Variants in ZCWPW2 observed in about 807,000 individuals in gnomAD.
The protein encoded by ZCWPW2 is zinc finger CW-type and PWWP domain containing 2, also known as zinc finger CW-type PWWP domain protein 2.
ZCWPW2 carries 45 observed loss-of-function variants against 46.6 expected under a neutral mutation model. The observed-to-expected ratio is 0.96, with a 90% CI of 0.76 to 1.24. The LOEUF is 1.24. Ranked by LOEUF, ZCWPW2 falls within the 50% of genes most tolerant of loss-of-function variation. The pLI is 0.00. For missense variants in ZCWPW2, 429 were observed against 403.9 expected (o/e 1.06, Z -0.53); for synonymous variants, 152 against 137.1 (o/e 1.11, Z -0.76).
intron 5 of ZCWPW2, among the ~76,000 whole-genome samples, chr3:28,484,955 G>A (rs1251846112): frequency 2.0e-5 from 3 of 151,916 alleles, no homozygotes; most frequent in Non-Finnish European, 4.4e-5. Context: ...GATTTAGCCT[G>A]TTCTTTTTCT....
At chr3:28,413,651 G>C (rs1696501605) in intron 3 of ZCWPW2, among the ~76,000 whole-genome samples, 2 of 151,902 alleles carry the variant, frequency 1.3e-5, no homozygotes, top group South Asian at 4.2e-4. Context: ...TAGTGTTGTA[G>C]CTTCCTCCTA....
intron 6 of ZCWPW2, among the ~76,000 whole-genome samples, 187 bp downstream of exon 6, chr3:28,492,360 T>C (rs1575203788): frequency 6.6e-6 from 1 of 152,092 alleles, no homozygotes; most frequent in African/African-American, 2.4e-5. Context: ...TGGTTACTTA[T>C]ATTAATGTTA....
At chr3:28,497,026 AG>A (rs1188716348) in intron 6 of ZCWPW2, among the ~76,000 whole-genome samples, 1 of 149,950 alleles carries the variant, frequency 6.7e-6, no homozygotes, top group Non-Finnish European at 1.5e-5. Flanking sequence ...TATGTAATAC[AG>A]GGTATTTATA....
intron 4 of ZCWPW2, among the ~76,000 whole-genome samples, chr3:28,443,327 C>T (rs186405137): frequency 2.2e-4 from 34 of 152,216 alleles, no homozygotes; most frequent in African/African-American, 7.2e-4. Context: ...CATAAATTGT[C>T]GGTAATTTAG....
chr3:28,432,474 A>C (rs192147949), intron 3 of ZCWPW2, among the ~76,000 whole-genome samples: 4 of 152,270 alleles, frequency 2.6e-5, no homozygotes, highest in Admixed American at 2.0e-4. Context: ...TGATCTGTAA[A>C]ACTCGATCAT....
chr3:28,443,796 G>T, intron 4 of ZCWPW2, among the ~76,000 whole-genome samples: 1 of 152,150 alleles, frequency 6.6e-6, no homozygotes. Flanking sequence ...CCTCAAAATT[G>T]CAGATGCTGC....
chr3:28,492,172 G>A lies in ZCWPW2; in HGVS notation c.656G>A (p.Arg219Lys). Residue 219 changes from arginine (R) to lysine (K), a missense_variant and splice_region_variant, in exon 6 of 10, where the codon AGG becomes AAG. By Grantham distance (26) the Arg-to-Lys change is conservative. Transcript: ENST00000383768. Reference protein sequence around the residue: ...HDKVAALVKKRKQTSKNNIEK... With the variant: ...HDKVAALVKKKKQTSKNNIEK... ...AAAGTTGCTGCACTGGTCAAGAAAA[G>A]GGTAAGATTGTGTTTTATTATATAA... The A allele has an allele frequency of 6.2e-7, 1 of 1,602,520 alleles. No individual in the cohort carries two copies. Among genetic ancestry groups the A allele is most frequent in the Non-Finnish European group, 8.5e-7 (1 of 1,174,882 alleles).
intron 5 of ZCWPW2, among the ~76,000 whole-genome samples, chr3:28,480,679 C>T (rs1412502548): frequency 6.6e-6 from 1 of 151,980 alleles, no homozygotes; most frequent in Admixed American, 6.6e-5. Context: ...AATGGTATTG[C>T]CTGAGTTGTC....
Position 28,514,050 on chromosome 3 carries a change from T to C in ZCWPW2, c.658-14T>C. The C allele has an allele frequency of 6.7e-7, 1 of 1,493,788 alleles. No homozygotes were observed. Among genetic ancestry groups the C allele is most frequent in the Non-Finnish European group, 9.1e-7 (1 of 1,095,470 alleles). 92.5% of individuals were successfully genotyped at this position (1,493,788 alleles called of 1,614,324 possible). On this transcript the variant is annotated splice_polypyrimidine_tract_variant and intron_variant, in intron 6 of 9. Coordinates refer to ENST00000383768, the MANE Select transcript of ZCWPW2 (RefSeq NM_001040432.4). ...CTATATGAACTAACTCATATTTTTG[T>C]TTTTGTGTTATAGAAGCAGACTTCT...
At chr3:28,491,118 T>G (rs191120176) in intron 5 of ZCWPW2, among the ~76,000 whole-genome samples, 3 of 152,238 alleles carry the variant, frequency 2.0e-5, no homozygotes, top group Admixed American at 2.0e-4. Context: ...GACTATGATT[T>G]TGCAAAAGAG....
At chr3:28,379,156 A>C (rs1012115561) in intron 1 of ZCWPW2, among the ~76,000 whole-genome samples, 6 of 152,186 alleles carry the variant, frequency 3.9e-5, no homozygotes, top group African/African-American at 1.2e-4. Context: ...AAAGTTCTAG[A>C]ACAAAGAAAA....
At chr3:28,423,858 C>T (rs545491253) in intron 3 of ZCWPW2, among the ~76,000 whole-genome samples, 1 of 152,042 alleles carries the variant, frequency 6.6e-6, no homozygotes, top group Admixed American at 6.6e-5. Flanking sequence ...ACCCTCCTTC[C>T]TCTCAAATAG....
At chr3:28,424,901 A>G (rs1249334248) in intron 3 of ZCWPW2, among the ~76,000 whole-genome samples, 1 of 152,200 alleles carries the variant, frequency 6.6e-6, no homozygotes, top group African/African-American at 2.4e-5. Context: ...GAATATGAAC[A>G]CTTATTTTAT....
chr3:28,459,293 C>T (rs543475244), intron 4 of ZCWPW2, among the ~76,000 whole-genome samples: 1 of 152,126 alleles, frequency 6.6e-6, no homozygotes, highest in South Asian at 2.1e-4. Flanking sequence ...TGGCGTGAAC[C>T]CGGGAGGCGG....
chr3:28,524,626 G>T lies in ZCWPW2; in HGVS notation c.1009G>T (p.Glu337Ter). 1 of 1,606,756 alleles carries T rather than the reference G, an allele frequency of 6.2e-7. No homozygotes were observed. Among genetic ancestry groups the T allele is most frequent in the South Asian group, 1.1e-5 (1 of 89,862 alleles). ...TGATGGGATAAAATTAAAAGCTGGA[G>T]AATGTATTGAGGATATAACTAATAA... is the stretch of plus-strand genomic sequence containing the variant. ...VIDGIKLKAG[E>*]CIEDITNKFK... Residue 337 changes from glutamate to a stop codon, truncating the protein, a stop_gained, in exon 10 of 10, where the codon GAA becomes TAA. Transcript: ENST00000383768. LOFTEE classifies it high-confidence loss of function.
intron 1 of ZCWPW2, among the ~76,000 whole-genome samples, chr3:28,350,897 T>C (rs1387679875): frequency 6.6e-6 from 1 of 151,852 alleles, no homozygotes. Flanking sequence ...TCTTAACTGA[T>C]AGCCAACTAG....
intron 1 of ZCWPW2, among the ~76,000 whole-genome samples, chr3:28,374,218 G>C (rs780978840): frequency 2.0e-5 from 3 of 152,084 alleles, no homozygotes; most frequent in Non-Finnish European, 4.4e-5. Flanking sequence ...TGGTTATCTA[G>C]TTTTCCCAGC....
chr3:28,354,169 G>A (rs1458970474), intron 1 of ZCWPW2, among the ~76,000 whole-genome samples: 1 of 151,742 alleles, frequency 6.6e-6, no homozygotes, highest in African/African-American at 2.4e-5. Flanking sequence ...CCTTTCATGG[G>A]GATATCACCA....
At chr3:28,519,780 C>T (rs767980981) in intron 8 of ZCWPW2, among the ~76,000 whole-genome samples, 1 of 152,162 alleles carries the variant, frequency 6.6e-6, no homozygotes, top group Non-Finnish European at 1.5e-5. Context: ...GCTCCATCTG[C>T]CTCTGGTGCA....
Sources: gnomAD v4.1 joint callset for allele counts (sites outside exome capture counted in the v4.1 genomes callset) on GRCh38, gnomAD v4.1.1 for gene constraint, MANE v1.5 for transcripts, NCBI Gene and HGNC (gene_info 2026-07-23, HGNC 2026-07-21) for gene names.